The following APBB2 variants were observed in gnomAD, a reference collection of about 807,000 sequenced individuals.
The protein encoded by APBB2 is Fe65-like 1.
A neutral mutation model predicts 82.5 loss-of-function variants in APBB2; 38 were observed. That is an observed-to-expected ratio of 0.46 (90% CI 0.36 to 0.60). APBB2 has a LOEUF of 0.60. Ranked by LOEUF, APBB2 falls within the 20% of genes least tolerant of loss-of-function variation. The pLI is 0.00. For synonymous variants in APBB2, 341 were observed against 368.2 expected, an observed-to-expected ratio of 0.93 and a Z score of 0.85; for missense variants, 772 against 972.3, an observed-to-expected ratio of 0.79 and a Z score of 2.74.
intron 12 of APBB2, chr4:40,880,052 C>T (rs1030891240): frequency 3.1e-5 from 31 of 985,224 alleles, no homozygotes; most frequent in Non-Finnish European, 3.5e-5. Flanking sequence ...TCACTGGGAG[C>T]GATGGCACTT....
intron 2 of APBB2, among the ~76,000 whole-genome samples, chr4:41,110,214 T>C (rs1481170651): frequency 3.3e-5 from 5 of 152,228 alleles, no homozygotes; most frequent in East Asian, 3.9e-4. Flanking sequence ...CTGCCACACA[T>C]GTGCCTGGCA....
At chr4:40,957,729 G>A (rs538469033) in intron 6 of APBB2, among the ~76,000 whole-genome samples, 103 of 152,030 alleles carry the variant, frequency 6.8e-4, no homozygotes, top group African/African-American at 2.0e-3. Context: ...GATTGCAGGC[G>A]CCTACCACCA....
At chr4:41,104,301 C>T (rs73810828) in intron 2 of APBB2, among the ~76,000 whole-genome samples, 1,976 of 152,222 alleles carry the variant, frequency 0.013, 36 homozygotes, top group African/African-American at 0.046. Flanking sequence ...AACAGTGACT[C>T]TTTTAGTCAT....
At chr4:40,860,223 T>C (rs1188560135) in intron 12 of APBB2, among the ~76,000 whole-genome samples, 2 of 151,946 alleles carry the variant, frequency 1.3e-5, no homozygotes, top group East Asian at 3.9e-4. Context: ...CTGACTGGGG[T>C]GTTTCTGTTT....
intron 12 of APBB2, among the ~76,000 whole-genome samples, chr4:40,878,005 T>C (rs1767356854): frequency 6.6e-6 from 1 of 151,956 alleles, no homozygotes; most frequent in Non-Finnish European, 1.5e-5. Context: ...CTGGAGCATT[T>C]TCCTAAAGGG....
intron 10 of APBB2, among the ~76,000 whole-genome samples, chr4:40,901,909 A>ATGTGTGTGTGTGTGTGTGTGTGTGTGTG (rs35766512): frequency 2.7e-5 from 4 of 145,540 alleles, no homozygotes; most frequent in South Asian, 2.2e-4. Context: ...ATCCAAAATT[A>ATGTGTGTGTGTGTGTGTGTGTGTGTGTG]TGTGTGTGTG....
chr4:40,949,084 G>A (rs1789327369), intron 6 of APBB2, among the ~76,000 whole-genome samples: 2 of 152,074 alleles, frequency 1.3e-5, no homozygotes, highest in South Asian at 4.1e-4. Context: ...TTTGAGACCA[G>A]CATGGCCAAT....
At chr4:41,000,162 G>A (rs577468550) in intron 6 of APBB2, among the ~76,000 whole-genome samples, 3 of 151,082 alleles carry the variant, frequency 2.0e-5, no homozygotes, top group African/African-American at 7.3e-5. Flanking sequence ...TCAGAAGGCT[G>A]AGGTAGGGGG....
intron 2 of APBB2, among the ~76,000 whole-genome samples, chr4:41,142,101 T>C (rs1759391325): frequency 6.6e-6 from 1 of 152,172 alleles, no homozygotes; most frequent in Non-Finnish European, 1.5e-5. Context: ...AGGAAAAGGA[T>C]GCTGGGCAGA....
At chr4:40,871,027 T>C (rs1257475970) in intron 12 of APBB2, among the ~76,000 whole-genome samples, 1 of 151,890 alleles carries the variant, frequency 6.6e-6, no homozygotes, top group African/African-American at 2.4e-5. Flanking sequence ...TATGTGTAAG[T>C]GTCTCTCAGA....
chr4:40,842,958 C>T (rs988549509), intron 12 of APBB2, among the ~76,000 whole-genome samples: 1 of 151,922 alleles, frequency 6.6e-6, no homozygotes, highest in Non-Finnish European at 1.5e-5. Flanking sequence ...CAGAGACGTC[C>T]CAGGAAAGAG....
At chr4:41,005,397 GT>G (rs140092835) in intron 6 of APBB2, among the ~76,000 whole-genome samples, 9 of 149,724 alleles carry the variant, frequency 6.0e-5, no homozygotes, top group East Asian at 5.9e-4. Context: ...CAACTTAAGG[GT>G]TTTTTTTTTG....
intron 1 of APBB2, among the ~76,000 whole-genome samples, chr4:41,148,583 C>A (rs1055767857): frequency 2.0e-5 from 3 of 152,176 alleles, no homozygotes; most frequent in Admixed American, 2.0e-4. Flanking sequence ...TCTGCACGGA[C>A]TGACTCTAAG....
intron 5 of APBB2, 60 bp from the exon 6 acceptor site, chr4:41,014,458 G>A: frequency 6.9e-7 from 1 of 1,449,972 alleles, no homozygotes; most frequent in East Asian, 2.4e-5. Context: ...TATACAGTGT[G>A]AGTAAATATT....
At chr4:40,886,615 C>G (rs1770375782) in intron 12 of APBB2, among the ~76,000 whole-genome samples, 1 of 152,196 alleles carries the variant, frequency 6.6e-6, no homozygotes, top group African/African-American at 2.4e-5. Flanking sequence ...GCACAGGTCC[C>G]TGAAACTGGG....
intron 12 of APBB2, chr4:40,880,970 C>T (rs576449345): frequency 1.0e-6 from 1 of 985,396 alleles, no homozygotes; most frequent in East Asian, 1.1e-4. Context: ...TGAAAATGCC[C>T]TCCCACTTTC....
In APBB2 at chr4:41,059,953, C is replaced by T. The variant is rs139027349; in HGVS notation, c.-51+5623G>A. Among the ~76,000 whole-genome samples, 459 of 150,472 alleles carry T rather than the reference C, an allele frequency of 3.1e-3. 18 individuals carry two copies. The highest frequency in any genetic ancestry group is 0.028 in the Admixed American group (419 of 15,004). ...CAAGATCGTGCCACTCCACTCCAGC[C>T]TATGTAACAAACAGCAAAACTCCGT... On this transcript the variant is annotated intron_variant, in intron 4 of 17. Coordinates refer to ENST00000508593, the MANE Select transcript of APBB2 (RefSeq NM_004307.2).
At chr4:40,946,232 C>CAAAAAAAAAAAAAAAAAAAAA (rs55995119) in intron 6 of APBB2, among the ~76,000 whole-genome samples, 1 of 78,724 alleles carries the variant, frequency 1.3e-5, no homozygotes, top group Non-Finnish European at 2.4e-5. Context: ...ACTCTATCTC[C>CAAAAAAAAAAAAAAAAAAAAA]AAAAAAAAAA....
intron 10 of APBB2, among the ~76,000 whole-genome samples, chr4:40,913,212 G>C (rs557309967): frequency 6.6e-6 from 1 of 152,200 alleles, no homozygotes; most frequent in African/African-American, 2.4e-5. Context: ...CAGTCTGGGG[G>C]GTCAGAGCTG....
Sources: gnomAD v4.1 joint callset for allele counts (sites outside exome capture counted in the v4.1 genomes callset) on GRCh38, gnomAD v4.1.1 for gene constraint, MANE v1.5 for transcripts, NCBI Gene and HGNC (gene_info 2026-07-23, HGNC 2026-07-21) for gene names.